The following CRYZL1 variants were observed in gnomAD, a reference collection of about 807,000 sequenced individuals.
CRYZL1 encodes the protein ferry endosomal RAB5 effector complex subunit 4.
CRYZL1 carries 34 observed loss-of-function variants against 50.6 expected under a neutral mutation model. The observed-to-expected ratio is 0.67, with a 90% CI of 0.51 to 0.89. The LOEUF is 0.89. Among genes scored for constraint, CRYZL1 ranks in the 40% least tolerant of loss-of-function variants. The probability of loss-of-function intolerance (pLI) is 0.00; values close to 1 mark genes in which losing one functional copy is unlikely to be tolerated. For synonymous variants in CRYZL1, 125 were observed against 134.3 expected, an observed-to-expected ratio of 0.93 and a Z score of 0.48; for missense variants, 354 against 402.3, an observed-to-expected ratio of 0.88 and a Z score of 1.03.
intron 6 of CRYZL1, among the ~76,000 whole-genome samples, chr21:33,608,767 C>A (rs980730435): frequency 6.6e-6 from 1 of 152,166 alleles, no homozygotes; most frequent in Non-Finnish European, 1.5e-5. Flanking sequence ...ATTCATTCAT[C>A]TGGACACTTA....
chr21:33,619,997 A>G (rs910053211), intron 4 of CRYZL1, among the ~76,000 whole-genome samples: 2 of 152,220 alleles, frequency 1.3e-5, no homozygotes, highest in African/African-American at 4.8e-5. Context: ...TCCCCTAGAG[A>G]GTGAACCGTT....
At chr21:33,641,603 C>T (rs939232201) in intron 1 of CRYZL1, 78 bp downstream of exon 1, 1 of 279,716 alleles carries the variant, frequency 3.6e-6, no homozygotes, top group African/African-American at 2.2e-5. Flanking sequence ...CAGGGCTGCA[C>T]GGTTCTGTGG....
chr21:33,596,223 T>G (rs772565787), intron 10 of CRYZL1: 7 of 470,764 alleles, frequency 1.5e-5, no homozygotes, highest in Non-Finnish European at 3.0e-5. Context: ...CCTTGAGAGA[T>G]ACATAAACAT....
In CRYZL1 at chr21:33,602,193, A is replaced by C. The variant is rs368328254; in HGVS notation, c.577+41T>G. 3 of 1,119,272 alleles carry C rather than the reference A, an allele frequency of 2.7e-6. No individual in the cohort carries two copies. The African/African-American group carries it at 4.6e-5, about 17-fold the overall frequency. 69.3% of individuals were successfully genotyped at this position (1,119,272 alleles called of 1,614,324 possible). On this transcript the variant is annotated intron_variant, in intron 8 of 12. Coordinates refer to ENST00000381554, the MANE Select transcript of CRYZL1 (RefSeq NM_145858.3). ...CATTTTTAAAGGTGATTTTCCTTCA[A>C]AATTTCCTGTTTTAAAGTCTGTGCT...
At chr21:33,597,550 T>C in intron 9 of CRYZL1, 149 bp from the exon 10 acceptor site, 1 of 619,390 alleles carries the variant, frequency 1.6e-6, no homozygotes, top group South Asian at 2.1e-5. Flanking sequence ...CCAGCAATCC[T>C]CCAGCCTCAG....
At chr21:33,637,760 C>CATATATATAT (rs10536195) in intron 1 of CRYZL1, among the ~76,000 whole-genome samples, 506 of 131,658 alleles carry the variant, frequency 3.8e-3, no homozygotes, top group South Asian at 9.3e-3. Flanking sequence ...AAGAGAAAAA[C>CATATATATAT]ATATATATAT....
At chr21:33,632,272 C>T (rs988608686) in intron 1 of CRYZL1, among the ~76,000 whole-genome samples, 7 of 151,544 alleles carry the variant, frequency 4.6e-5, no homozygotes, top group African/African-American at 1.2e-4. Flanking sequence ...GCATAGGTTG[C>T]GGTGAGCCGA....
rs752309317 is a variant in CRYZL1, at chr21:33,597,301, T to C, written c.777A>G (p.Val259=). The change falls in exon 10 of 13, where the codon GTA becomes GTG. Residue 259 remains valine, a synonymous_variant. Transcript: ENST00000381554. ...GTACCTGAAGGTTTTCTTCTGTTGT[T>C]ACCCAGTGGCCTCCAACACCAAGAA... is the stretch of plus-strand genomic sequence containing the variant. ...ITLLGVGGHW[V]TTEENLQLDP... is the part of the protein sequence containing the mutation. 3.4e-5 allele frequency: 55 copies of C among 1,613,798 alleles called. No individual in the cohort carries two copies. Among genetic ancestry groups the C allele is most frequent in the Non-Finnish European group, 4.2e-5 (50 of 1,179,656 alleles).
chr21:33,625,638 C>T (rs1275898457), intron 2 of CRYZL1, among the ~76,000 whole-genome samples: 1 of 150,206 alleles, frequency 6.7e-6, no homozygotes, highest in East Asian at 2.0e-4. Context: ...CATGCACCAC[C>T]ACACCCAGCT....
chr21:33,636,305 C>G (rs2087206026), intron 1 of CRYZL1, among the ~76,000 whole-genome samples: 1 of 151,808 alleles, frequency 6.6e-6, no homozygotes, highest in Non-Finnish European at 1.5e-5. Context: ...TTGGAGGCTG[C>G]TTTGAGCTAT....
chr21:33,626,880 C>T (rs947536627), intron 2 of CRYZL1, among the ~76,000 whole-genome samples: 1 of 152,060 alleles, frequency 6.6e-6, no homozygotes, highest in Non-Finnish European at 1.5e-5. Context: ...AAAAGCTAGC[C>T]AAGAATAGCC....
chr21:33,616,083 C>A lies in CRYZL1; in HGVS notation c.262+623G>T, dbSNP rs562684356. On this transcript the variant is annotated intron_variant, in intron 5 of 12. Coordinates refer to ENST00000381554, the MANE Select transcript of CRYZL1 (RefSeq NM_145858.3). The stretch of plus-strand genomic sequence containing the variant: ...TCTCCCAATGCTATCCCTCCCCCCC[C>A]CAACCCCACCACAGTCCCCAGAGTG... Among the ~76,000 whole-genome samples, 44 of 152,200 alleles carry A rather than the reference C, an allele frequency of 2.9e-4. 1 individual carries two copies. The highest frequency in any genetic ancestry group is 1.0e-3 in the South Asian group (5 of 4,806).
chr21:33,626,046 C>T (rs902654117), intron 2 of CRYZL1, among the ~76,000 whole-genome samples: 2 of 150,522 alleles, frequency 1.3e-5, no homozygotes, highest in South Asian at 2.1e-4. Context: ...CTCTGCCTCC[C>T]GAGTTCAAGT....
rs973643536 is a variant in CRYZL1 at position 33,640,315 on chromosome 21, G to A, written c.-7+1366C>T. On this transcript the variant is annotated intron_variant, in intron 1 of 12. Transcript: ENST00000381554. ...ATCCCCTGCTGTAAGCTGGAACAGA[G>A]GCATCGATAAGGGAAATTAGTGATA... is the stretch of plus-strand genomic sequence containing the variant. The A allele has an allele frequency of 5.1e-6, 7 of 1,383,362 alleles. No individual in the cohort carries two copies. The African/African-American group carries it at 7.4e-5, about 15-fold the overall frequency. The allele number at this position is 1,383,362 out of a possible 1,614,324, so 85.7% of individuals were successfully genotyped here.
intron 2 of CRYZL1, among the ~76,000 whole-genome samples, chr21:33,627,614 A>G (rs933114504): frequency 1.3e-5 from 2 of 152,152 alleles, no homozygotes; most frequent in African/African-American, 2.4e-5. Context: ...GTAATAAAAA[A>G]CTTGGTGATA....
chr21:33,592,262 A>G (rs1440058151), intron 11 of CRYZL1, among the ~76,000 whole-genome samples: 1 of 151,578 alleles, frequency 6.6e-6, no homozygotes, highest in Non-Finnish European at 1.5e-5. Context: ...CAGCCTCCCA[A>G]GTAGCTGGGA....
In CRYZL1 at chr21:33,626,020, C is replaced by G. The variant is rs539231888; in HGVS notation, c.67-1260G>C. On this transcript the variant is annotated intron_variant, in intron 2 of 12. Coordinates refer to ENST00000381554, the MANE Select transcript of CRYZL1 (RefSeq NM_145858.3). ...CCAGGCTGGAGTGCAGTGGCGCAAT[C>G]TCAGCTCACTGCAACCTCTGCCTCC... is the stretch of plus-strand genomic sequence containing the variant. Among the ~76,000 whole-genome samples, 5 of 151,658 alleles carry G rather than the reference C, an allele frequency of 3.3e-5. No homozygotes were observed. The South Asian group carries it at 1.0e-3, about 32-fold the overall frequency.
chr21:33,601,612 A>C (rs1037814094), intron 8 of CRYZL1, among the ~76,000 whole-genome samples: 14 of 152,220 alleles, frequency 9.2e-5, no homozygotes, highest in Admixed American at 5.9e-4. Context: ...ATTAAAATTA[A>C]AACTATCACT....
intron 1 of CRYZL1, among the ~76,000 whole-genome samples, chr21:33,638,895 C>G (rs1054235247): frequency 7.2e-5 from 11 of 152,120 alleles, no homozygotes; most frequent in Non-Finnish European, 1.3e-4. Context: ...AAGCAGATTC[C>G]AGAGTCAACT....
Sources: allele counts gnomAD v4.1 joint callset (sites outside exome capture counted in the v4.1 genomes callset), GRCh38; gene constraint gnomAD v4.1.1; transcripts MANE v1.5; gene names NCBI Gene and HGNC (gene_info 2026-07-23, HGNC 2026-07-21).